ABHD12: variants seen among roughly 807,000 people sequenced by gnomAD.
ABHD12 encodes the protein lysophosphatidylserine lipase ABHD12.
Under a neutral mutation model 58.3 loss-of-function variants are expected in ABHD12, and 43 were observed. That is an observed-to-expected ratio of 0.74 (90% CI 0.58 to 0.95). The LOEUF is 0.95. ABHD12 is among the 40% of genes least tolerant of loss of function. ABHD12 has a pLI of 0.00. For missense variants in ABHD12, 539 were observed against 537.2 expected, an observed-to-expected ratio of 1.00 and a Z score of -0.03; for synonymous variants, 219 against 211.2, an observed-to-expected ratio of 1.04 and a Z score of -0.32.
At chr20:25,301,427 A>G (rs549168770) in intron 12 of ABHD12, among the ~76,000 whole-genome samples, 76 of 146,586 alleles carry the variant, frequency 5.2e-4, no homozygotes, top group African/African-American at 1.8e-3. Context: ...GCTGACTGGC[A>G]CAACACAACA....
chr20:25,339,258 T>G lies in ABHD12; in HGVS notation c.285A>C (p.Gly95=). 5 of 1,614,136 alleles carry G rather than the reference T, an allele frequency of 3.1e-6. No homozygotes were observed. Among genetic ancestry groups the G allele is most frequent in the Non-Finnish European group, 4.2e-6 (5 of 1,180,028 alleles). Residue 95 remains glycine (G), a synonymous_variant, in exon 2 of 13, where the codon GGA becomes GGC. Coordinates refer to ENST00000339157, the MANE Select transcript of ABHD12 (RefSeq NM_001042472.3). The part of the protein sequence containing the change: ...AIPFLIKLCP[G]IQAKLIFLNF... ...TCAAGAAAATCAGTTTGGCCTGTAT[T>G]CCAGGACATAGTTTGATGAGAAATG...
chr20:25,366,889 T>C (rs1032475584), intron 1 of ABHD12, among the ~76,000 whole-genome samples: 1 of 152,198 alleles, frequency 6.6e-6, no homozygotes, highest in Non-Finnish European at 1.5e-5. Context: ...AGCTGAGCAC[T>C]GTAGCATGGA....
At chr20:25,322,677 G>A (rs897120590) in intron 3 of ABHD12, among the ~76,000 whole-genome samples, 5 of 151,208 alleles carry the variant, frequency 3.3e-5, no homozygotes, top group South Asian at 2.1e-4. Flanking sequence ...GAGCCACCGC[G>A]CCTGGATGGA....
chr20:25,329,469 G>A (rs572232066), intron 2 of ABHD12, among the ~76,000 whole-genome samples: 134 of 152,304 alleles, frequency 8.8e-4, no homozygotes, highest in Non-Finnish European at 1.3e-3. Flanking sequence ...CTCCAGTCAC[G>A]TCATCATGTA....
chr20:25,379,298 T>C (rs921147739), intron 1 of ABHD12, among the ~76,000 whole-genome samples: 1 of 152,188 alleles, frequency 6.6e-6, no homozygotes, highest in African/African-American at 2.4e-5. Flanking sequence ...AGAAAGACGA[T>C]ATGAGAGCTC....
chr20:25,358,170 A>G (rs2089693363), intron 1 of ABHD12, among the ~76,000 whole-genome samples: 1 of 152,344 alleles, frequency 6.6e-6, no homozygotes, highest in South Asian at 2.1e-4. Context: ...GACCCATCAA[A>G]TCTCAAATTA....
intron 10 of ABHD12, 41 bp downstream of exon 10, chr20:25,306,792 T>C (rs2088750830): frequency 6.9e-7 from 1 of 1,451,134 alleles, no homozygotes; most frequent in African/African-American, 1.4e-5. Context: ...TCTCAGAGTT[T>C]TTCTAAATAG....
At chr20:25,322,499 A>C (rs1600796557) in intron 3 of ABHD12, among the ~76,000 whole-genome samples, 1 of 136,678 alleles carries the variant, frequency 7.3e-6, no homozygotes, top group African/African-American at 2.8e-5. Context: ...CTTGCCTCAA[A>C]CTCCCGGGTA....
Position 25,331,140 on chromosome 20 carries a change from C to G in ABHD12, c.317-7710G>C, listed in dbSNP as rs568061923. The stretch of plus-strand genomic sequence containing the variant: ...TTAAAGGAGCTGATGGAGCTGAAAA[C>G]CAAGGCTCGAGAACTACGTGAAGAA... On this transcript the variant is annotated intron_variant, in intron 2 of 12. Coordinates refer to ENST00000339157, the MANE Select transcript of ABHD12 (RefSeq NM_001042472.3). Among the ~76,000 whole-genome samples the G allele has an allele frequency of 8.5e-5, 13 of 152,278 alleles. No individual in the cohort carries two copies. In the East Asian group the frequency reaches 2.5e-3, roughly 29 times the overall value.
intron 1 of ABHD12, among the ~76,000 whole-genome samples, chr20:25,353,850 C>T (rs2089633958): frequency 6.6e-6 from 1 of 152,218 alleles, no homozygotes; most frequent in African/African-American, 2.4e-5. Flanking sequence ...GAACCAAACT[C>T]AACGTCAGGC....
rs1183264158 is a variant in ABHD12, at chr20:25,320,158, G to T, written c.542+41C>A. 2.5e-6 allele frequency: 4 copies of T among 1,611,590 alleles called. No homozygotes were observed. In the African/African-American group the frequency reaches 5.3e-5, roughly 22 times the overall value. On this transcript the variant is annotated intron_variant, in intron 4 of 12. Transcript: ENST00000339157. The stretch of plus-strand genomic sequence containing the variant: ...CAGGACATTCCCACCCCAAAAAGGA[G>T]CCATGCTCCACAGCAAAGATGATGG...
chr20:25,299,141 G>A (rs1345678649), downstream of ABHD12, among the ~76,000 whole-genome samples: 1 of 152,240 alleles, frequency 6.6e-6, no homozygotes, highest in African/African-American at 2.4e-5. Context: ...AATGGCTCAT[G>A]CCTATAATCC....
chr20:25,376,099 G>A (rs1225391916), intron 1 of ABHD12, among the ~76,000 whole-genome samples: 1 of 152,074 alleles, frequency 6.6e-6, no homozygotes, highest in African/African-American at 2.4e-5. Flanking sequence ...TCCAGCCTGG[G>A]CGACAGAGTG....
chr20:25,333,661 A>G (rs547424328), intron 2 of ABHD12, among the ~76,000 whole-genome samples: 15 of 152,056 alleles, frequency 9.9e-5, no homozygotes, highest in African/African-American at 2.4e-4. Context: ...ATATACGCAA[A>G]TCAATAAATG....
At chr20:25,333,723 T>C (rs1252525032) in intron 2 of ABHD12, among the ~76,000 whole-genome samples, 2 of 151,884 alleles carry the variant, frequency 1.3e-5, no homozygotes, top group African/African-American at 2.4e-5. Context: ...ATTATCTCAA[T>C]AGATGCAGAA....
intron 1 of ABHD12, among the ~76,000 whole-genome samples, chr20:25,358,850 AAAG>A (rs2089702639): frequency 6.6e-6 from 1 of 152,228 alleles, no homozygotes; most frequent in African/African-American, 2.4e-5. Flanking sequence ...GTAGTCATTC[AAAG>A]CAATGCCATC....
At chr20:25,385,495 A>G (rs2090077115) in intron 1 of ABHD12, among the ~76,000 whole-genome samples, 1 of 152,162 alleles carries the variant, frequency 6.6e-6, no homozygotes. Flanking sequence ...AAACCAGGAC[A>G]TAGCAAATTC....
intron 1 of ABHD12, among the ~76,000 whole-genome samples, chr20:25,347,763 G>A (rs2089539326): frequency 6.6e-6 from 1 of 152,026 alleles, no homozygotes; most frequent in South Asian, 2.1e-4. Context: ...CAGAAGGAAA[G>A]ATAAATCTCT....
At chr20:25,327,421 C>G (rs1003885616) in intron 2 of ABHD12, among the ~76,000 whole-genome samples, 2 of 150,506 alleles carry the variant, frequency 1.3e-5, no homozygotes, top group African/African-American at 4.9e-5. Flanking sequence ...GAGCTGAGAT[C>G]ACGCCATTGC....
Sources: gnomAD v4.1 joint callset for allele counts (sites outside exome capture counted in the v4.1 genomes callset) on GRCh38, gnomAD v4.1.1 for gene constraint, MANE v1.5 for transcripts, NCBI Gene and HGNC (gene_info 2026-07-23, HGNC 2026-07-21) for gene names.